The following LRPPRC variants were observed in gnomAD, a reference collection of about 807,000 sequenced individuals.
LRPPRC encodes leucine rich pentatricopeptide repeat containing.
Under a neutral mutation model 180.3 loss-of-function variants are expected in LRPPRC, and 120 were observed. That is an observed-to-expected ratio of 0.67 (90% CI 0.57 to 0.77). The LOEUF is 0.77. Ranked by LOEUF, LRPPRC falls within the 30% of genes least tolerant of loss-of-function variation. The probability of loss-of-function intolerance (pLI) is 0.00; values close to 1 mark genes in which losing one functional copy is unlikely to be tolerated. For synonymous variants in LRPPRC, 723 were observed against 600.0 expected, an observed-to-expected ratio of 1.21 and a Z score of -3.00; for missense variants, 2,012 against 1,657.2, an observed-to-expected ratio of 1.21 and a Z score of -3.72.
upstream of LRPPRC, among the ~76,000 whole-genome samples, chr2:43,996,181 C>T (rs1031457618): frequency 6.6e-6 from 1 of 152,196 alleles, no homozygotes. Context: ...CTTTTCTTTT[C>T]CGTCTTCCGT....
At position 43,918,329 on chromosome 2, in the gene LRPPRC, C is replaced by T. The variant is rs774857058; in HGVS notation, c.2966G>A (p.Arg989His). ...TGCTAATAATCTTAATGTCTTTTCACGAGGAATAACATTTTCTTCTTGGAT... is the reference window on the plus strand; with the variant it reads ...TGCTAATAATCTTAATGTCTTTTCATGAGGAATAACATTTTCTTCTTGGAT... ...NKIQEENVIP[R>H]EKTLRLLAEI... The change falls in exon 28 of 38, where the codon CGT (arginine) becomes CAT (histidine). Residue 989 changes from arginine to histidine, a missense_variant. Transcript: ENST00000260665. 1.7e-5 allele frequency: 27 copies of T among 1,609,492 alleles called. No individual in the cohort carries two copies. The highest frequency in any genetic ancestry group is 2.7e-5 in the African/African-American group (2 of 74,806).
At chr2:43,971,193 T>C (rs936156548) in intron 11 of LRPPRC, among the ~76,000 whole-genome samples, 4 of 152,036 alleles carry the variant, frequency 2.6e-5, no homozygotes, top group African/African-American at 9.7e-5. Flanking sequence ...ATTTTATCCC[T>C]TTCACATTCT....
intron 36 of LRPPRC, chr2:43,892,891 C>T (rs950664785): frequency 1.3e-5 from 2 of 151,956 alleles, no homozygotes; most frequent in African/African-American, 4.8e-5. Context: ...AAACTGAAAA[C>T]CTTCTGGGAA....
intron 30 of LRPPRC, among the ~76,000 whole-genome samples, chr2:43,911,552 G>A (rs1293607175): frequency 1.5e-4 from 19 of 128,480 alleles, no homozygotes; most frequent in African/African-American, 5.1e-4. Context: ...TTTGAGACAG[G>A]GTCTCGCTTT....
intron 1 of LRPPRC, among the ~76,000 whole-genome samples, chr2:43,993,518 C>G (rs190134356): frequency 3.3e-5 from 5 of 152,078 alleles, no homozygotes; most frequent in Admixed American, 6.6e-5. Flanking sequence ...AGGGAAGAGA[C>G]TGAGAAACTT....
Position 43,995,818 on chromosome 2 carries a change from G to T in LRPPRC, c.130C>A (p.Arg44Ser). Residue 44 changes from arginine (R) to serine (S), a missense_variant, in exon 1 of 38, where the codon CGC becomes AGC. Transcript: ENST00000260665. ...ACTCACCCGGCCACGGGCCCGGCGC[G>T]AGCGGCGGGCAGATAGGAGGCGGCA... Reference protein sequence around the residue: ...LHAASYLPAARAGPVAGGLLS... With the variant: ...LHAASYLPAASAGPVAGGLLS... The T allele has an allele frequency of 7.1e-7, 1 of 1,408,678 alleles. No individual in the cohort carries two copies. Among genetic ancestry groups the T allele is most frequent in the South Asian group, 1.6e-5 (1 of 64,104 alleles). 87.3% of individuals were successfully genotyped at this position (1,408,678 alleles called of 1,614,324 possible). A position where few individuals can be genotyped will look rare whatever the true frequency, so the allele number is the denominator to read the frequency against.
intron 27 of LRPPRC, among the ~76,000 whole-genome samples, chr2:43,923,162 AT>A (rs1276696567): frequency 1.8e-5 from 2 of 111,772 alleles, no homozygotes; most frequent in Non-Finnish European, 3.5e-5. Flanking sequence ...AATGTTGTAT[AT>A]TTTTTTGTTT....
intron 21 of LRPPRC, 60 bp downstream of exon 21, chr2:43,946,053 T>C (rs1255145369): frequency 1.3e-6 from 2 of 1,529,434 alleles, no homozygotes; most frequent in Non-Finnish European, 1.8e-6. Context: ...CTAGATAATC[T>C]ATCAAGGTCT....
chr2:43,935,991 G>C (rs546143481), intron 23 of LRPPRC, among the ~76,000 whole-genome samples: 1 of 152,270 alleles, frequency 6.6e-6, no homozygotes, highest in African/African-American at 2.4e-5. Flanking sequence ...GCTGAGGAGG[G>C]AGAATCCCTT....
At chr2:43,995,084 T>G (rs1436505706) in intron 1 of LRPPRC, among the ~76,000 whole-genome samples, 2 of 151,762 alleles carry the variant, frequency 1.3e-5, no homozygotes, top group East Asian at 3.9e-4. Flanking sequence ...CTACTAAAAG[T>G]ACAAAAGTTA....
intron 27 of LRPPRC, among the ~76,000 whole-genome samples, chr2:43,921,882 T>C (rs904619146): frequency 6.6e-6 from 1 of 152,228 alleles, no homozygotes; most frequent in East Asian, 1.9e-4. Context: ...TACATACTTT[T>C]TAAATAGATT....
intron 1 of LRPPRC, among the ~76,000 whole-genome samples, chr2:43,989,772 T>C (rs1032560994): frequency 6.6e-6 from 1 of 152,196 alleles, no homozygotes; most frequent in African/African-American, 2.4e-5. Context: ...TGTAAAACAT[T>C]TCAGAAACGG....
At chr2:43,912,405 A>G (rs750520752) in intron 30 of LRPPRC, 27 bp downstream of exon 30, 1 of 1,594,936 alleles carries the variant, frequency 6.3e-7, no homozygotes, top group Admixed American at 1.7e-5. Context: ...TTTAAACAAG[A>G]GGTTTAATAA....
At chr2:43,904,873 C>G (rs906744804) in intron 31 of LRPPRC, among the ~76,000 whole-genome samples, 4 of 152,136 alleles carry the variant, frequency 2.6e-5, no homozygotes, top group African/African-American at 9.7e-5. Flanking sequence ...GGCAAAACTG[C>G]AGTATCACTG....
At chr2:43,935,734 T>C (rs1672251498) in intron 23 of LRPPRC, among the ~76,000 whole-genome samples, 1 of 152,196 alleles carries the variant, frequency 6.6e-6, no homozygotes, top group Admixed American at 6.5e-5. Context: ...TTTTTTGTAA[T>C]TTCTCTCTTA....
intron 27 of LRPPRC, among the ~76,000 whole-genome samples, chr2:43,920,829 G>C (rs1671674068): frequency 6.6e-6 from 1 of 152,120 alleles, no homozygotes; most frequent in African/African-American, 2.4e-5. Flanking sequence ...CCTTTAAAAA[G>C]GGATTAGTTA....
intron 1 of LRPPRC, among the ~76,000 whole-genome samples, chr2:43,984,003 C>T (rs953538689): frequency 3.3e-5 from 5 of 152,098 alleles, no homozygotes; most frequent in Admixed American, 6.6e-5. Context: ...ATGATCAGCA[C>T]ATTGTAGATG....
At chr2:43,899,098 C>A in intron 34 of LRPPRC, 121 bp downstream of exon 34, 1 of 730,832 alleles carries the variant, frequency 1.4e-6, no homozygotes, top group Non-Finnish European at 2.4e-6. Context: ...TGAATGTAAA[C>A]AAGCTAGCTG....
rs755049830 is a variant in LRPPRC at position 43,982,265 on chromosome 2, T to C, written c.319A>G (p.Lys107Glu). The stretch of plus-strand genomic sequence containing the variant: ...GAGCGGCAGGTATCATTAAAAACTT[T>C]TTGTAGAAGCTTCTTTGGAATGCGG... ...TGRIPKKLLQ[K>E]VFNDTCRSGG... is the part of the protein sequence containing the mutation. The change falls in exon 2 of 38, where the codon AAA (lysine) becomes GAA (glutamate). Residue 107 changes from lysine to glutamate, a missense_variant. Transcript: ENST00000260665. The C allele has an allele frequency of 1.3e-5, 21 of 1,573,458 alleles. No homozygotes were observed. Among genetic ancestry groups the C allele is most frequent in the Non-Finnish European group, 1.7e-6 (2 of 1,164,110 alleles).
Sources: allele counts gnomAD v4.1 joint callset (sites outside exome capture counted in the v4.1 genomes callset), GRCh38; gene constraint gnomAD v4.1.1; transcripts MANE v1.5; gene names NCBI Gene and HGNC (gene_info 2026-07-23, HGNC 2026-07-21).